Variants in CSGALNACT1 observed in about 807,000 individuals in gnomAD.
CSGALNACT1 encodes chondroitin sulfate N-acetylgalactosaminyltransferase 1.
CSGALNACT1 carries 52 observed loss-of-function variants against 51.0 expected under a neutral mutation model. That is an observed-to-expected ratio of 1.02 (90% CI 0.82 to 1.29). The LOEUF is 1.29. Among genes scored for constraint, CSGALNACT1 ranks in the 50% most tolerant of loss-of-function variants. CSGALNACT1 has a pLI of 0.00. For synonymous variants in CSGALNACT1, 341 were observed against 254.4 expected (o/e 1.34, Z -3.24); for missense variants, 935 against 679.2 (o/e 1.38, Z -4.19).
chr8:19,454,109 T>C (rs1026531093), intron 5 of CSGALNACT1, among the ~76,000 whole-genome samples: 4 of 152,166 alleles, frequency 2.6e-5, no homozygotes, highest in Admixed American at 6.5e-5. Context: ...ATCTACAAAG[T>C]CCTGAGGAAT....
chr8:19,517,560 C>T (rs181720751), intron 3 of CSGALNACT1, among the ~76,000 whole-genome samples: 1 of 152,060 alleles, frequency 6.6e-6, no homozygotes, highest in African/African-American at 2.4e-5. Context: ...AAAGACGTGC[C>T]CGAGAGTGGG....
At chr8:19,418,931 C>G (rs962239988) in intron 7 of CSGALNACT1, among the ~76,000 whole-genome samples, 181 bp from the exon 7 acceptor site, 1 of 152,144 alleles carries the variant, frequency 6.6e-6, no homozygotes. Context: ...ATTGCAATCT[C>G]TGCCTCCTGG....
intron 4 of CSGALNACT1, among the ~76,000 whole-genome samples, chr8:19,469,682 G>A (rs531620986): frequency 3.3e-5 from 5 of 152,222 alleles, no homozygotes; most frequent in African/African-American, 7.2e-5. Context: ...GTAGGTCTCC[G>A]CCCTGAAGCC....
intron 5 of CSGALNACT1, among the ~76,000 whole-genome samples, chr8:19,450,776 G>A (rs950446878): frequency 2.6e-5 from 4 of 151,974 alleles, no homozygotes; most frequent in Non-Finnish European, 5.9e-5. Context: ...TGGATGTGGT[G>A]GCATGCATCC....
At chr8:19,606,224 ATCT>A (rs1738628918), upstream of CSGALNACT1, among the ~76,000 whole-genome samples, 1 of 152,232 alleles carries the variant, frequency 6.6e-6, no homozygotes, top group Admixed American at 6.5e-5. Context: ...TCCCAGTGAG[ATCT>A]TCTTTGTGCA....
In CSGALNACT1 at chr8:19,458,410, G is replaced by T; in HGVS notation, c.851+16C>A. 2 of 1,598,888 alleles carry T rather than the reference G, an allele frequency of 1.3e-6. No individual in the cohort carries two copies. The highest frequency in any genetic ancestry group is 1.7e-6 in the Non-Finnish European group (2 of 1,166,106). The stretch of plus-strand genomic sequence containing the variant: ...ACATCATGCGGAGGAAGATAAACAC[G>T]TGCGAACAAACCAACCTGAAATTCT... On this transcript the variant is annotated intron_variant, in intron 5 of 9. Coordinates refer to ENST00000454498, the Ensembl canonical transcript of CSGALNACT1.
intron 4 of CSGALNACT1, 43 bp from the exon 4 acceptor site, chr8:19,458,685 C>G: frequency 6.3e-7 from 1 of 1,586,482 alleles, no homozygotes; most frequent in Non-Finnish European, 8.7e-7. Context: ...AAAAATTAAC[C>G]TTGGCTGCTG....
intron 1 of CSGALNACT1, among the ~76,000 whole-genome samples, chr8:19,651,912 TCTG>T (rs1564351963): frequency 2.9e-5 from 3 of 104,612 alleles, no homozygotes; most frequent in African/African-American, 1.0e-4. Flanking sequence ...AACCTCGCTG[TCTG>T]TTTTTTTTTG....
chr8:19,539,681 A>C (rs768973911), intron 3 of CSGALNACT1, among the ~76,000 whole-genome samples: 19 of 152,266 alleles, frequency 1.2e-4, no homozygotes, highest in Non-Finnish European at 2.4e-4. Flanking sequence ...CAACAGGAGT[A>C]TGCACAGTGA....
intron 1 of CSGALNACT1, among the ~76,000 whole-genome samples, chr8:19,616,768 G>A (rs2053080844): frequency 6.6e-6 from 1 of 152,070 alleles, no homozygotes; most frequent in Admixed American, 6.6e-5. Context: ...GCTCCCTGAG[G>A]CCTCCTCATA....
chr8:19,524,866 G>A (rs2081364631), intron 3 of CSGALNACT1, among the ~76,000 whole-genome samples: 1 of 152,052 alleles, frequency 6.6e-6, no homozygotes, highest in Non-Finnish European at 1.5e-5. Flanking sequence ...ACATCCCACA[G>A]CCTCAGCCTA....
At chr8:19,728,650 G>A (rs2063531319) in intron 1 of CSGALNACT1, among the ~76,000 whole-genome samples, 1 of 152,134 alleles carries the variant, frequency 6.6e-6, no homozygotes, top group Non-Finnish European at 1.5e-5. Flanking sequence ...CACGATTTAT[G>A]CAGTTGTAGG....
intron 3 of CSGALNACT1, among the ~76,000 whole-genome samples, chr8:19,573,990 G>A (rs1278301451): frequency 6.6e-6 from 1 of 152,064 alleles, no homozygotes; most frequent in Non-Finnish European, 1.5e-5. Context: ...ATGCTATGAC[G>A]GCTCACTGCA....
chr8:19,510,680 G>A (rs184410781), intron 3 of CSGALNACT1, among the ~76,000 whole-genome samples: 122 of 152,298 alleles, frequency 8.0e-4, no homozygotes, highest in African/African-American at 2.7e-3. Context: ...CCGACCAAAC[G>A]TATGGGTGAG....
In CSGALNACT1 at chr8:19,488,750, G is replaced by A. The variant is rs73585546; in HGVS notation, c.634+16451C>T. Among the ~76,000 whole-genome samples, 339 of 152,128 alleles carry A rather than the reference G, an allele frequency of 2.2e-3. 1 individual carries two copies. Among genetic ancestry groups the A allele is most frequent in the African/African-American group, 6.3e-3 (262 of 41,508 alleles). ...ACCCATATATAGTTTATAACAACCC[G>A]ACAGGGTAGATTATTAATAATGTCA... On this transcript the variant is annotated intron_variant, in intron 4 of 9. Coordinates refer to ENST00000454498, the Ensembl canonical transcript of CSGALNACT1.
Position 19,662,886 on chromosome 8 carries a change from T to G in CSGALNACT1, c.-544+19587A>C, listed in dbSNP as rs140043647. ...GGTCATGCCACACATCCAGCTACTCTGAGCCTTCAACCACTCCCATGAAAC... is the reference window on the plus strand; with the variant it reads ...GGTCATGCCACACATCCAGCTACTCGGAGCCTTCAACCACTCCCATGAAAC... On this transcript the variant is annotated intron_variant, in intron 1 of 9. Coordinates refer to the CSGALNACT1 transcript ENST00000332246. Among the ~76,000 whole-genome samples the G allele has an allele frequency of 2.7e-3, 415 of 152,248 alleles. 1 individual carries two copies. Among genetic ancestry groups the G allele is most frequent in the African/African-American group, 9.5e-3 (394 of 41,536 alleles).
intron 5 of CSGALNACT1, among the ~76,000 whole-genome samples, chr8:19,448,693 G>C (rs2062571413): frequency 6.6e-6 from 1 of 152,154 alleles, no homozygotes; most frequent in East Asian, 1.9e-4. Context: ...GGCAGAGGCA[G>C]GGCTTTCACA....
At chr8:19,505,235 A>C (rs752494972) in exon 4 of CSGALNACT1, 10 of 1,613,976 alleles carry the variant, frequency 6.2e-6, no homozygotes, top group Non-Finnish European at 8.5e-6. Flanking sequence ...AAGGACGGTG[A>C]TTGGGGCTGT....
chr8:19,666,710 G>A (rs945149833), intron 1 of CSGALNACT1, among the ~76,000 whole-genome samples: 23 of 144,464 alleles, frequency 1.6e-4, no homozygotes, highest in African/African-American at 5.2e-4. Context: ...GAGAAAGAGA[G>A]AAAAGACACA....
Sources: gnomAD v4.1 joint callset for allele counts (sites outside exome capture counted in the v4.1 genomes callset) on GRCh38, gnomAD v4.1.1 for gene constraint, MANE v1.5 for transcripts, NCBI Gene and HGNC (gene_info 2026-07-23, HGNC 2026-07-21) for gene names.